The following CHL1 variants were observed in gnomAD, a reference collection of about 807,000 sequenced individuals.
CHL1 encodes the protein cell adhesion molecule L1 like, also known as neural cell adhesion molecule L1-like protein.
In CHL1, 96 loss-of-function variants were observed where a neutral mutation model predicts 141.9. The observed-to-expected ratio is 0.68, with a 90% CI of 0.57 to 0.80. CHL1 has a LOEUF of 0.80. Ranked by LOEUF, CHL1 falls within the 30% of genes least tolerant of loss-of-function variation. The pLI is 0.00. For synonymous variants in CHL1, 613 were observed against 502.2 expected (o/e 1.22, Z -2.95); for missense variants, 1,820 against 1,457.2 (o/e 1.25, Z -4.05).
At chr3:295,423 G>A (rs1369202938) in intron 2 of CHL1, among the ~76,000 whole-genome samples, 4 of 152,042 alleles carry the variant, frequency 2.6e-5, no homozygotes, top group African/African-American at 9.7e-5. Flanking sequence ...GGATTAACAT[G>A]GATAAGACTT....
chr3:370,551 C>G (rs1242326056), intron 15 of CHL1, among the ~76,000 whole-genome samples: 1 of 149,300 alleles, frequency 6.7e-6, no homozygotes, highest in African/African-American at 2.4e-5. Flanking sequence ...AAAAAAAAAC[C>G]AGCTCCTGGA....
intron 1 of CHL1, among the ~76,000 whole-genome samples, chr3:214,576 G>A (rs1700155309): frequency 6.6e-6 from 1 of 151,990 alleles, no homozygotes; most frequent in South Asian, 2.1e-4. Flanking sequence ...TTTATACATT[G>A]CATTTTAATT....
At chr3:224,493 A>C (rs1359409279) in intron 1 of CHL1, among the ~76,000 whole-genome samples, 3 of 152,064 alleles carry the variant, frequency 2.0e-5, no homozygotes, top group Non-Finnish European at 4.4e-5. Flanking sequence ...GTGAGTACTC[A>C]TGAGATCTGG....
rs775757574 is a variant in CHL1 at position 391,054 on chromosome 3, C to T, written c.2686C>T (p.Pro896Ser). ...AGGACAAAGAAACTCTGGAATGGTT[C>T]CTTCCTTAGATGCCTTTAGTGAATT... is the stretch of plus-strand genomic sequence containing the variant. ...FSGQRNSGMVPSLDAFSEFHL... is the reference protein window; with the variant it reads ...FSGQRNSGMVSSLDAFSEFHL... The change falls in exon 22 of 28, where the codon CCT becomes TCT. Residue 896 changes from proline (P) to serine (S), a missense_variant. Physicochemically the swap from Pro to Ser is moderately conservative, Grantham distance 74. Transcript: ENST00000256509. The T allele has an allele frequency of 2.0e-5, 32 of 1,613,608 alleles. No individual in the cohort carries two copies. The Middle Eastern group carries it at 4.9e-4, about 25-fold the overall frequency.
chr3:342,160 T>C (rs1176680413), intron 7 of CHL1, 78 bp downstream of exon 7: 3 of 1,338,578 alleles, frequency 2.2e-6, no homozygotes, highest in Non-Finnish European at 3.1e-6. Flanking sequence ...GCTGAAGCCA[T>C]TTAAAGCTGG....
chr3:294,369 T>C (rs1342899097), intron 2 of CHL1, among the ~76,000 whole-genome samples: 2 of 151,734 alleles, frequency 1.3e-5, no homozygotes, highest in Admixed American at 6.6e-5. Flanking sequence ...ATCAAGGGGG[T>C]TGTTTCTGAG....
rs1015532100 is a variant in CHL1, at chr3:307,739, C to T, written c.-94-11944C>T. 6.6e-5 allele frequency among the ~76,000 whole-genome samples: 10 copies of T among 152,100 alleles called. No individual in the cohort carries two copies. In the South Asian group the frequency reaches 8.3e-4, roughly 13 times the overall value. On this transcript the variant is annotated intron_variant, in intron 2 of 27. Coordinates refer to ENST00000256509, the MANE Select transcript of CHL1 (RefSeq NM_006614.4). The stretch of plus-strand genomic sequence containing the variant: ...ATACTTACACACTTAACATACTTTA[C>T]GAAATAAAGATACCTGAAGTACATG...
intron 4 of CHL1, 45 bp from the exon 5 acceptor site, chr3:328,122 A>C: frequency 1.4e-6 from 2 of 1,467,086 alleles, no homozygotes; most frequent in Non-Finnish European, 1.9e-6. Context: ...CTCTAAACAT[A>C]TGTCATTATT....
Position 288,953 on chromosome 3 carries a change from T to C in CHL1, c.-94-30730T>C, listed in dbSNP as rs183479862. On this transcript the variant is annotated intron_variant, in intron 2 of 27. Transcript: ENST00000256509. ...CATCATGCCTTTGGTTTTGTGAGCTTCTTTTTTGTTTTTATTTCCCGATTT... is the reference window on the plus strand; with the variant it reads ...CATCATGCCTTTGGTTTTGTGAGCTCCTTTTTTGTTTTTATTTCCCGATTT... 1.7e-3 allele frequency among the ~76,000 whole-genome samples: 260 copies of C among 152,350 alleles called. 2 individuals carry two copies. Among genetic ancestry groups the C allele is most frequent in the East Asian group, 3.3e-3 (17 of 5,190 alleles).
At chr3:315,727 C>G (rs2125013009) in intron 2 of CHL1, among the ~76,000 whole-genome samples, 1 of 152,138 alleles carries the variant, frequency 6.6e-6, no homozygotes, top group East Asian at 1.9e-4. Flanking sequence ...ACTGGAGAAC[C>G]TGAGGGAGTC....
chr3:289,916 T>G (rs1313702512), intron 2 of CHL1, among the ~76,000 whole-genome samples: 1 of 150,532 alleles, frequency 6.6e-6, no homozygotes, highest in Non-Finnish European at 1.5e-5. Flanking sequence ...CATAGATACA[T>G]TGCTCCACTG....
intron 2 of CHL1, among the ~76,000 whole-genome samples, chr3:295,120 G>A (rs1698072513): frequency 6.6e-6 from 1 of 151,916 alleles, no homozygotes; most frequent in South Asian, 2.1e-4. Context: ...GAGTCTACTG[G>A]GTCGTTTCTG....
chr3:288,407 G>C (rs1156537222), intron 2 of CHL1, among the ~76,000 whole-genome samples: 1 of 151,740 alleles, frequency 6.6e-6, no homozygotes, highest in Non-Finnish European at 1.5e-5. Flanking sequence ...AAGGTAATTA[G>C]CAACTGGTTA....
intron 1 of CHL1, among the ~76,000 whole-genome samples, chr3:205,104 CTTTTTT>C (rs11424648): frequency 7.7e-6 from 1 of 129,128 alleles, no homozygotes; most frequent in Non-Finnish European, 1.6e-5. Flanking sequence ...TTCTTTCTTT[CTTTTTT>C]TTTTTTTTTG....
chr3:399,836 C>G (rs986667967), intron 26 of CHL1, among the ~76,000 whole-genome samples: 3 of 152,116 alleles, frequency 2.0e-5, no homozygotes, highest in African/African-American at 4.8e-5. Flanking sequence ...ATTTTTCGCA[C>G]TAGTGCATTC....
At chr3:259,589 A>T (rs1694513723) in intron 2 of CHL1, among the ~76,000 whole-genome samples, 1 of 152,002 alleles carries the variant, frequency 6.6e-6, no homozygotes, top group Non-Finnish European at 1.5e-5. Context: ...TTGTTATCTC[A>T]TCCACCATTC....
intron 2 of CHL1, among the ~76,000 whole-genome samples, chr3:305,927 T>C (rs1361905344): frequency 4.6e-5 from 7 of 152,112 alleles, no homozygotes; most frequent in Non-Finnish European, 5.9e-5. Flanking sequence ...AGAAATATTA[T>C]CAATATTGGA....
rs778580316 is a variant in CHL1 at position 341,916 on chromosome 3, A to C, written c.513A>C (p.Leu171Phe). 6.2e-7 allele frequency: 1 copy of C among 1,601,410 alleles called. No homozygotes were observed. Among genetic ancestry groups the C allele is most frequent in the Non-Finnish European group, 8.5e-7 (1 of 1,170,550 alleles). ...PLHIYWMNIE[L>F]EHIEQDERVY... ...TGGCAAGATATCTCTTTTCAGAATT[A>C]GAACACATCGAACAAGATGAAAGAG... The change falls in exon 7 of 28, where the codon TTA becomes TTC. Residue 171 changes from leucine to phenylalanine, a missense_variant. Leu to Phe is a conservative substitution (Grantham distance 22, BLOSUM62 0). Transcript: ENST00000256509.
chr3:304,251 C>A (rs1373431093), intron 2 of CHL1, among the ~76,000 whole-genome samples: 1 of 152,062 alleles, frequency 6.6e-6, no homozygotes, highest in Non-Finnish European at 1.5e-5. Context: ...TGATGCTGGC[C>A]TCATAAAATG....
Sources: gnomAD v4.1 joint callset for allele counts (sites outside exome capture counted in the v4.1 genomes callset) on GRCh38, gnomAD v4.1.1 for gene constraint, MANE v1.5 for transcripts, NCBI Gene and HGNC (gene_info 2026-07-23, HGNC 2026-07-21) for gene names.